Variants in ABCG2 observed in about 807,000 individuals in gnomAD.
ABCG2 encodes ATP binding cassette subfamily G member 2 (JR blood group).
In ABCG2, 80 loss-of-function variants were observed where a neutral mutation model predicts 73.5. That is an observed-to-expected ratio of 1.09 (90% CI 0.91 to 1.31). The LOEUF (loss-of-function observed/expected upper bound fraction) is 1.31. Among genes scored for constraint, ABCG2 ranks in the 50% most tolerant of loss-of-function variants. The probability of loss-of-function intolerance (pLI) is 0.00; values close to 1 mark genes in which losing one functional copy is unlikely to be tolerated. For missense variants in ABCG2, 796 were observed against 786.2 expected, an observed-to-expected ratio of 1.01 and a Z score of -0.15; for synonymous variants, 269 against 282.4, an observed-to-expected ratio of 0.95 and a Z score of 0.48.
At chr4:88,159,523 G>T (rs1391398232), upstream of ABCG2, among the ~76,000 whole-genome samples, 2 of 152,164 alleles carry the variant, frequency 1.3e-5, no homozygotes, top group Non-Finnish European at 2.9e-5. Flanking sequence ...GGAAAGGCTA[G>T]AAAGTGATTG....
chr4:88,182,818 G>C (rs977469453), intron 1 of ABCG2, among the ~76,000 whole-genome samples: 3 of 152,108 alleles, frequency 2.0e-5, no homozygotes, highest in African/African-American at 4.8e-5. Flanking sequence ...AGGCGTGGTG[G>C]CTCACGCCTG....
chr4:88,222,621 AT>A (rs1465317234), intron 1 of ABCG2, among the ~76,000 whole-genome samples: 1 of 152,172 alleles, frequency 6.6e-6, no homozygotes, highest in African/African-American at 2.4e-5. Context: ...GCCTTTGTAA[AT>A]TGCCCAGTTT....
intron 1 of ABCG2, among the ~76,000 whole-genome samples, chr4:88,182,542 C>A (rs967402513): frequency 4.6e-5 from 7 of 152,118 alleles, no homozygotes; most frequent in African/African-American, 1.7e-4. Context: ...ATCACAATTA[C>A]CTCAAGTATC....
At chr4:88,130,393 A>G (rs1222523007) in intron 5 of ABCG2, among the ~76,000 whole-genome samples, 1 of 151,478 alleles carries the variant, frequency 6.6e-6, no homozygotes, top group Non-Finnish European at 1.5e-5. Flanking sequence ...AAATGGGACC[A>G]TCTAGTTGCA....
At chr4:88,114,397 C>CG (rs1241408124) in intron 8 of ABCG2, among the ~76,000 whole-genome samples, 3 of 152,036 alleles carry the variant, frequency 2.0e-5, no homozygotes, top group African/African-American at 7.2e-5. Flanking sequence ...GAGGCCAAGG[C>CG]GGGAGGATCA....
In ABCG2 at chr4:88,113,421, T is replaced by C. The variant is rs1472214836; in HGVS notation, c.1076A>G (p.Lys359Arg). 24 of 1,614,092 alleles carry C rather than the reference T, an allele frequency of 1.5e-5. No individual in the cohort carries two copies. Among genetic ancestry groups the C allele is most frequent in the Non-Finnish European group, 1.8e-5 (21 of 1,180,044 alleles). Reference sequence around the variant, plus strand: ...GATCTCCTTGAAGACTGTGATCTTCTTCTTCTTCTCACCCCCGGAAAGTTG... The same window carrying C: ...GATCTCCTTGAAGACTGTGATCTTCCTCTTCTTCTCACCCCCGGAAAGTTG... ...LHQLSGGEKK[K>R]KITVFKEISY... The change falls in exon 9 of 16, where the codon AAG (lysine) becomes AGG (arginine). Residue 359 changes from lysine (K) to arginine (R), a missense_variant. Transcript: ENST00000237612.
intron 1 of ABCG2, among the ~76,000 whole-genome samples, chr4:88,171,408 G>A (rs1204649056): frequency 6.9e-6 from 1 of 144,806 alleles, no homozygotes; most frequent in African/African-American, 2.6e-5. Context: ...TGAGAAAAGA[G>A]GCATCAAAGA....
chr4:88,144,965 A>AG (rs1431537533), intron 1 of ABCG2, among the ~76,000 whole-genome samples: 1 of 151,022 alleles, frequency 6.6e-6, no homozygotes, highest in East Asian at 1.9e-4. Flanking sequence ...AACTGAGAAG[A>AG]GGAAAAAAAA....
upstream of ABCG2, chr4:88,159,449 A>C: frequency 2.9e-6 from 1 of 343,698 alleles, no homozygotes; most frequent in Non-Finnish European, 5.7e-6. Flanking sequence ...ATATTACCAT[A>C]GTTTAAATGT....
chr4:88,149,173 G>A (rs745770083), intron 1 of ABCG2, among the ~76,000 whole-genome samples: 1 of 152,030 alleles, frequency 6.6e-6, no homozygotes, highest in East Asian at 1.9e-4. Context: ...TCAAGATCAC[G>A]CCACTATACT....
At position 88,130,786 on chromosome 4, in the gene ABCG2, G is replaced by A. The variant is rs144911077; in HGVS notation, c.531+275C>T. Among the ~76,000 whole-genome samples the A allele has an allele frequency of 5.9e-5, 9 of 152,268 alleles. No individual in the cohort carries two copies. In the East Asian group the frequency reaches 1.7e-3, roughly 29 times the overall value. On this transcript the variant is annotated intron_variant, in intron 5 of 15. Transcript: ENST00000237612. ...GAGACGTGACTTAAACCATGAGGTGGGGGAGGAGCATAAGGAAAGGCCAGG... is the reference window on the plus strand; with the variant it reads ...GAGACGTGACTTAAACCATGAGGTGAGGGAGGAGCATAAGGAAAGGCCAGG...
chr4:88,113,650 C>G (rs1487779779), intron 8 of ABCG2, 97 bp from the exon 9 acceptor site: 1 of 1,455,544 alleles, frequency 6.9e-7, no homozygotes, highest in East Asian at 2.3e-5. Flanking sequence ...TCCCTAACAC[C>G]TTCATTCTAA....
intron 11 of ABCG2, among the ~76,000 whole-genome samples, chr4:88,100,163 T>C (rs1465218681): frequency 6.9e-6 from 1 of 144,696 alleles, no homozygotes; most frequent in East Asian, 2.0e-4. Context: ...CTGGGAAACA[T>C]AGTGAGACCT....
chr4:88,163,646 A>T, upstream of ABCG2: 1 of 231,356 alleles, frequency 4.3e-6, no homozygotes, highest in South Asian at 5.8e-5. Context: ...GTAGTGACCC[A>T]AGAATAAGCC....
At chr4:88,189,658 T>C (rs1345053406) in intron 1 of ABCG2, among the ~76,000 whole-genome samples, 2 of 152,252 alleles carry the variant, frequency 1.3e-5, no homozygotes, top group Non-Finnish European at 2.9e-5. Flanking sequence ...CTTTAAGGTT[T>C]TCAACATAGA....
intron 1 of ABCG2, among the ~76,000 whole-genome samples, chr4:88,158,044 G>A (rs921448908): frequency 6.6e-6 from 1 of 152,088 alleles, no homozygotes; most frequent in Admixed American, 6.5e-5. Flanking sequence ...ATCAACAAAT[G>A]TTTCCTCCAC....
intron 1 of ABCG2, among the ~76,000 whole-genome samples, chr4:88,212,121 A>C (rs1305689961): frequency 6.6e-6 from 1 of 152,188 alleles, no homozygotes; most frequent in Non-Finnish European, 1.5e-5. Context: ...CTTTAGGTGA[A>C]AACCAAAAGT....
intron 1 of ABCG2, among the ~76,000 whole-genome samples, chr4:88,203,768 A>G (rs1259524406): frequency 3.3e-5 from 5 of 151,436 alleles, no homozygotes; most frequent in African/African-American, 9.7e-5. Context: ...AAAAAAAAAA[A>G]AAAGAAAGAA....
intron 1 of ABCG2, among the ~76,000 whole-genome samples, chr4:88,185,173 G>A (rs372326212): frequency 2.6e-5 from 4 of 152,256 alleles, no homozygotes; most frequent in South Asian, 2.1e-4. Context: ...TACCAGCCTG[G>A]CCAACATGAT....
Sources: gnomAD v4.1 joint callset for allele counts (sites outside exome capture counted in the v4.1 genomes callset) on GRCh38, gnomAD v4.1.1 for gene constraint, MANE v1.5 for transcripts, NCBI Gene and HGNC (gene_info 2026-07-23, HGNC 2026-07-21) for gene names.